Variants in LRP1 observed in about 807,000 individuals in gnomAD.
LRP1 encodes prolow-density lipoprotein receptor-related protein 1.
LRP1 carries 51 observed loss-of-function variants against 541.5 expected under a neutral mutation model. The observed-to-expected ratio is 0.09, with a 90% CI of 0.08 to 0.12. The LOEUF (loss-of-function observed/expected upper bound fraction) is 0.12, where lower values mean the gene tolerates loss of function less well. Ranked by LOEUF, LRP1 falls within the 10% of genes least tolerant of loss-of-function variation. The pLI is 1.00. For missense variants in LRP1, 3,878 were observed against 6,376.2 expected, an observed-to-expected ratio of 0.61 and a Z score of 13.34; for synonymous variants, 2,219 against 2,470.8, an observed-to-expected ratio of 0.90 and a Z score of 3.02.
chr12:57,148,732 G>A (rs1413664450), intron 6 of LRP1, among the ~76,000 whole-genome samples: 1 of 152,218 alleles, frequency 6.6e-6, no homozygotes, highest in Non-Finnish European at 1.5e-5. Flanking sequence ...AGGCCTTGAA[G>A]GAAATCGGGT....
chr12:57,130,221 C>A (rs2035009665), intron 1 of LRP1, among the ~76,000 whole-genome samples: 1 of 152,120 alleles, frequency 6.6e-6, no homozygotes, highest in African/African-American at 2.4e-5. Flanking sequence ...CAAAACTGGG[C>A]TGGATACCAT....
intron 18 of LRP1, 103 bp from the exon 19 acceptor site, chr12:57,167,341 C>A: frequency 1.1e-6 from 1 of 875,096 alleles, no homozygotes; most frequent in Non-Finnish European, 1.9e-6. Context: ...CCTGACTGGG[C>A]TAAGGGCTGC....
chr12:57,131,810 G>A (rs556843930), intron 1 of LRP1, among the ~76,000 whole-genome samples: 2 of 152,198 alleles, frequency 1.3e-5, no homozygotes, highest in East Asian at 3.9e-4. Flanking sequence ...AAGGATGACA[G>A]CCCAGGTCCT....
intron 3 of LRP1, among the ~76,000 whole-genome samples, chr12:57,142,529 A>C (rs1319264526): frequency 2.0e-5 from 3 of 152,128 alleles, no homozygotes; most frequent in Admixed American, 6.5e-5. Flanking sequence ...GGGATGCAGA[A>C]TGCGGGCCTG....
In LRP1 at chr12:57,195,054, A is replaced by T; in HGVS notation, c.8261A>T (p.Asp2754Val). The change falls in exon 51 of 89, where the codon GAC (aspartate) becomes GTC (valine). Residue 2754 changes from aspartate to valine, a missense_variant. Physicochemically the swap from Asp to Val is radical, Grantham distance 152. Around this residue, in one of 13 missense-constraint regions of LRP1, gnomAD observed 1,100 missense variants for 1,827.4 expected, o/e 0.60. Coordinates refer to ENST00000243077, the MANE Select transcript of LRP1 (RefSeq NM_002332.3). ...HRCISKQWLC[D>V]GSDDCGDGSD... is the part of the protein sequence containing the mutation. ...TGCATCTCCAAGCAGTGGCTGTGTG[A>T]CGGCAGCGATGACTGTGGGGATGGC... 1 of 1,614,066 alleles carries T rather than the reference A, an allele frequency of 6.2e-7. No individual in the cohort carries two copies. Among genetic ancestry groups the T allele is most frequent in the Non-Finnish European group, 8.5e-7 (1 of 1,179,962 alleles).
Position 57,185,397 on chromosome 12 carries a change from CT to C in LRP1, c.6464-133del. ...CTGGGACAGATCTTGGCATTGGACT[CT>C]GGGCCCTGGAGGGTCATTCAAGCTG... On this transcript the variant is annotated intron_variant, in intron 40 of 88. Coordinates refer to ENST00000243077, the MANE Select transcript of LRP1 (RefSeq NM_002332.3). The surrounding 1 kb of genome is among the most constrained non-coding windows in gnomAD (Gnocchi z 4.9). 1.5e-6 allele frequency: 2 copies of C among 1,334,140 alleles called. No homozygotes were observed. Among genetic ancestry groups the C allele is most frequent in the South Asian group, 2.9e-5 (2 of 68,456 alleles). The allele number at this position is 1,334,140 out of a possible 1,614,324, so 82.6% of individuals were successfully genotyped here.
Position 57,162,891 on chromosome 12 carries a change from G to C in LRP1, c.2438G>C (p.Gly813Ala). 1 of 1,607,812 alleles carries C rather than the reference G, an allele frequency of 6.2e-7. No individual in the cohort carries two copies. The highest frequency in any genetic ancestry group is 8.5e-7 in the Non-Finnish European group (1 of 1,178,070). Residue 813 changes from glycine (G) to alanine (A), a missense_variant, in exon 15 of 89, where the codon GGC (glycine) becomes GCC (alanine). Gly to Ala is a moderately conservative substitution (Grantham distance 60). Around this residue, in one of 13 missense-constraint regions of LRP1, gnomAD observed 496 missense variants for 861.0 expected, o/e 0.58. Transcript: ENST00000243077. This position sits in a 1 kb window ranked among gnomAD's most constrained non-coding sequence, Gnocchi z 5.2. ...AACAAATGCCGGGTGAACAATGGCG[G>C]CTGCAGCAGCCTGTGCTTGGCCACC... ...GTNKCRVNNG[G>A]CSSLCLATPG...
chr12:57,141,483 C>A lies in LRP1; in HGVS notation c.300C>A (p.Asp100Glu), dbSNP rs1799986. 16 of 1,614,022 alleles carry A rather than the reference C, an allele frequency of 9.9e-6. No individual in the cohort carries two copies. Among genetic ancestry groups the A allele is most frequent in the Non-Finnish European group, 1.3e-5 (15 of 1,180,010 alleles). ...RLCNGVQDCM[D>E]GSDEGPHCRE... ...GCAATGGGGTCCAGGACTGCATGGA[C>A]GGCTCAGATGAGGGGCCCCACTGCC... The change falls in exon 3 of 89, where the codon GAC (aspartate) becomes GAA (glutamate). Residue 100 changes from aspartate (D) to glutamate (E), a missense_variant. Physicochemically the swap from Asp to Glu is conservative, Grantham distance 45 (BLOSUM62 2). Transcript: ENST00000243077.
At chr12:57,200,843 C>T in intron 64 of LRP1, 28 bp downstream of exon 64, 1 of 1,570,682 alleles carries the variant, frequency 6.4e-7, no homozygotes. Context: ...CACCCTCCCT[C>T]CTTCCCCAGC....
Position 57,197,307 on chromosome 12 carries a change from C to A in LRP1, c.9085C>A (p.Pro3029Thr). 1 of 1,614,152 alleles carries A rather than the reference C, an allele frequency of 6.2e-7. No homozygotes were observed. The highest frequency in any genetic ancestry group is 8.5e-7 in the Non-Finnish European group (1 of 1,180,000). ...AGATCCTCTGTCTGCAGACGAGGAACCGTTTCTGATCTTCGCCAACCGGTA... is the reference window on the plus strand; with the variant it reads ...AGATCCTCTGTCTGCAGACGAGGAAACGTTTCTGATCTTCGCCAACCGGTA... Reference protein sequence around the residue: ...HSCKAVTDEEPFLIFANRYYL... With the variant: ...HSCKAVTDEETFLIFANRYYL... The change falls in exon 57 of 89, where the codon CCG becomes ACG. Residue 3029 changes from proline to threonine, a missense_variant. Around this residue, in one of 13 missense-constraint regions of LRP1, gnomAD observed 1,100 missense variants for 1,827.4 expected, o/e 0.60. Transcript: ENST00000243077. This position sits in a 1 kb window ranked among gnomAD's most constrained non-coding sequence, Gnocchi z 4.5.
chr12:57,162,730 A>G lies in LRP1; in HGVS notation c.2405-128A>G. 7 of 1,161,924 alleles carry G rather than the reference A, an allele frequency of 6.0e-6. No homozygotes were observed. The highest frequency in any genetic ancestry group is 8.5e-6 in the Non-Finnish European group (7 of 824,908). The allele number at this position is 1,161,924 out of a possible 1,614,324, so 72.0% of individuals were successfully genotyped here. A position where few individuals can be genotyped will look rare whatever the true frequency, so the allele number is the denominator to read the frequency against. ...ATGTCTGTGTCTCCTGTTCTTCAAC[A>G]TGATCTTCTTCCTCTCCATATTTCC... is the stretch of plus-strand genomic sequence containing the variant. On this transcript the variant is annotated intron_variant, in intron 14 of 88. Transcript: ENST00000243077. This position sits in a 1 kb window ranked among gnomAD's most constrained non-coding sequence, Gnocchi z 5.2.
At position 57,183,503 on chromosome 12, in the gene LRP1, C is replaced by A. The variant is rs1466744576; in HGVS notation, c.5787C>A (p.Phe1929Leu). 4.3e-6 allele frequency: 7 copies of A among 1,613,186 alleles called. No individual in the cohort carries two copies. Among genetic ancestry groups the A allele is most frequent in the Non-Finnish European group, 5.9e-6 (7 of 1,179,468 alleles). Reference protein sequence around the residue: ...SGTSLAVGIDFHAENDTIYWV... With the variant: ...SGTSLAVGIDLHAENDTIYWV... ...CCTCGCTGGCTGTCGGCATCGACTTCCACGCTGGTGAGCCATTTGGTGGCA... is the reference window on the plus strand; with the variant it reads ...CCTCGCTGGCTGTCGGCATCGACTTACACGCTGGTGAGCCATTTGGTGGCA... Residue 1929 changes from phenylalanine to leucine, a missense_variant, in exon 35 of 89, where the codon TTC (phenylalanine) becomes TTA (leucine). Around this residue, in one of 13 missense-constraint regions of LRP1, gnomAD observed 394 missense variants for 635.9 expected, o/e 0.62. Transcript: ENST00000243077. The surrounding 1 kb of genome is among the most constrained non-coding windows in gnomAD (Gnocchi z 6.1).
intron 46 of LRP1, 75 bp from the exon 47 acceptor site, chr12:57,193,491 C>T (rs2036459209): frequency 1.2e-5 from 19 of 1,567,138 alleles, no homozygotes; most frequent in South Asian, 8.3e-5. Context: ...CAGCTGGACA[C>T]GTGCATGACG....
intron 22 of LRP1, among the ~76,000 whole-genome samples, chr12:57,174,229 G>A (rs538564173): frequency 6.6e-6 from 1 of 152,216 alleles, no homozygotes; most frequent in African/African-American, 2.4e-5. Context: ...TGTTTTCTCC[G>A]TTTGACAGAT....
At position 57,205,305 on chromosome 12, in the gene LRP1, G is replaced by T. The variant is rs1309641057; in HGVS notation, c.11336-46G>T. On this transcript the variant is annotated intron_variant, in intron 73 of 88. Coordinates refer to ENST00000243077, the MANE Select transcript of LRP1 (RefSeq NM_002332.3). The surrounding 1 kb of genome is among the most constrained non-coding windows in gnomAD (Gnocchi z 4.6). ...GGGGAGTGGGGAGAGCCAAGCCCTGGCCTGGGGTGGCTCAAGGGAGGGCAT... is the reference window on the plus strand; with the variant it reads ...GGGGAGTGGGGAGAGCCAAGCCCTGTCCTGGGGTGGCTCAAGGGAGGGCAT... 1.3e-6 allele frequency: 2 copies of T among 1,591,502 alleles called. No homozygotes were observed. Among genetic ancestry groups the T allele is most frequent in the South Asian group, 2.2e-5 (2 of 88,968 alleles).
intron 20 of LRP1, 60 bp downstream of exon 20, chr12:57,169,367 G>A (rs2035901050): frequency 1.4e-6 from 2 of 1,481,430 alleles, no homozygotes; most frequent in South Asian, 2.5e-5. Flanking sequence ...CAGACACCCA[G>A]CCTATCCATC....
chr12:57,178,300 A>G lies in LRP1; in HGVS notation c.4362-59A>G. 6.4e-7 allele frequency: 1 copy of G among 1,570,522 alleles called. No homozygotes were observed. The highest frequency in any genetic ancestry group is 1.3e-5 in the African/African-American group (1 of 74,504). The stretch of plus-strand genomic sequence containing the variant: ...GGGCCCAGAGGGTGGGCACCTGGGC[A>G]GAGCTCTGAGGGCTGAGATCCCAGC... On this transcript the variant is annotated intron_variant, in intron 26 of 88. Transcript: ENST00000243077. This position sits in a 1 kb window ranked among gnomAD's most constrained non-coding sequence, Gnocchi z 5.8.
intron 42 of LRP1, 46 bp downstream of exon 42, chr12:57,187,502 C>T (rs1005441884): frequency 9.5e-6 from 15 of 1,574,460 alleles, no homozygotes; most frequent in African/African-American, 1.3e-5. Flanking sequence ...AGGTGGGACT[C>T]GGGGTGGCAG....
intron 1 of LRP1, among the ~76,000 whole-genome samples, chr12:57,136,078 C>A (rs2035156034): frequency 6.6e-6 from 1 of 152,258 alleles, no homozygotes; most frequent in Admixed American, 6.5e-5. Flanking sequence ...CCGGCCACGG[C>A]TGGTCAGGGG....
Sources: gnomAD v4.1 joint callset for allele counts (sites outside exome capture counted in the v4.1 genomes callset) on GRCh38, gnomAD v4.1.1 for gene constraint, gnomAD v4.1.1 regional missense constraint, Gnocchi (gnomAD v3.1) non-coding constraint, MANE v1.5 for transcripts, NCBI Gene and HGNC (gene_info 2026-07-23, HGNC 2026-07-21) for gene names.